Variants in ARK2C observed in about 807,000 individuals in gnomAD.
The protein encoded by ARK2C is E3 ubiquitin-protein ligase ARK2C.
At chr18:46,413,909 T>G in the ARK2C span, among the ~76,000 whole-genome samples, 1 of 152,242 alleles carries the variant, frequency 6.6e-6, no homozygotes, top group African/African-American at 2.4e-5. Flanking sequence ...AGGAATCATC[T>G]GCATGTTTAC....
At chr18:46,368,767 C>A in the ARK2C span, among the ~76,000 whole-genome samples, 4 of 152,330 alleles carry the variant, frequency 2.6e-5, no homozygotes, top group East Asian at 7.7e-4. Flanking sequence ...CCCAGCTCTG[C>A]CATTCACTTG....
chr18:46,389,002 G>A, the ARK2C span, among the ~76,000 whole-genome samples: 1,949 of 152,284 alleles, frequency 0.013, 15 homozygotes, highest in Middle Eastern at 0.027. Context: ...CTCGGTTCAC[G>A]AGGAATTCTA....
At chr18:46,341,222 T>A in the ARK2C span, among the ~76,000 whole-genome samples, 37 of 151,538 alleles carry the variant, frequency 2.4e-4, no homozygotes, top group South Asian at 7.7e-3. Context: ...TTGGACTGGC[T>A]TCTTTGGCCT....
chr18:46,406,608 C>T, the ARK2C span, among the ~76,000 whole-genome samples: 2 of 152,322 alleles, frequency 1.3e-5, 1 homozygote. Flanking sequence ...AGATGGGAGG[C>T]TGGGGCCCCA....
the ARK2C span, among the ~76,000 whole-genome samples, chr18:46,426,071 C>T: frequency 3.9e-5 from 6 of 152,156 alleles, no homozygotes; most frequent in African/African-American, 1.4e-4. Flanking sequence ...CCCAAAGGCC[C>T]TGCCTCCTAA....
At chr18:46,423,329 G>T in the ARK2C span, among the ~76,000 whole-genome samples, 2 of 152,174 alleles carry the variant, frequency 1.3e-5, no homozygotes, top group Non-Finnish European at 2.9e-5. Flanking sequence ...GAGCAGTTGT[G>T]CTCACCTCAG....
At chr18:46,448,485 G>T in the ARK2C span, among the ~76,000 whole-genome samples, 1 of 152,194 alleles carries the variant, frequency 6.6e-6, no homozygotes, top group Admixed American at 6.5e-5. Context: ...AGGGCTCAGG[G>T]CTAAGATCAG....
the ARK2C span, among the ~76,000 whole-genome samples, chr18:46,413,734 A>C: frequency 6.6e-6 from 1 of 152,082 alleles, no homozygotes; most frequent in Admixed American, 6.5e-5. Context: ...TTTACTCTTA[A>C]AAACTGCTCT....
the ARK2C span, among the ~76,000 whole-genome samples, chr18:46,423,745 A>G: frequency 6.6e-6 from 1 of 152,334 alleles, no homozygotes; most frequent in Non-Finnish European, 1.5e-5. Flanking sequence ...TGGCCTCCAG[A>G]TCTTCATCTG....
At chr18:46,386,962 C>T in the ARK2C span, 1 of 152,336 alleles carries the variant, frequency 6.6e-6, no homozygotes, top group African/African-American at 2.4e-5. Context: ...CACTGACATT[C>T]CTGGGCACTG....
the ARK2C span, among the ~76,000 whole-genome samples, chr18:46,358,185 G>A: frequency 7.2e-5 from 11 of 152,292 alleles, no homozygotes; most frequent in African/African-American, 2.6e-4. Flanking sequence ...AGTCATGCAG[G>A]CCTCATGAGC....
At chr18:46,353,196 T>C in the ARK2C span, among the ~76,000 whole-genome samples, 1 of 152,272 alleles carries the variant, frequency 6.6e-6, no homozygotes, top group Non-Finnish European at 1.5e-5. Flanking sequence ...AATGAGATGA[T>C]GTCTGTGAAG....
At chr18:46,402,931 A>G in the ARK2C span, among the ~76,000 whole-genome samples, 1 of 152,220 alleles carries the variant, frequency 6.6e-6, no homozygotes, top group African/African-American at 2.4e-5. Flanking sequence ...TGCTTCCTCT[A>G]GTCTCAACAC....
chr18:46,389,629 C>T, the ARK2C span, among the ~76,000 whole-genome samples: 1 of 152,222 alleles, frequency 6.6e-6, no homozygotes, highest in South Asian at 2.1e-4. Flanking sequence ...ACCCAGACTT[C>T]CAGACTTCAG....
At chr18:46,456,202 T>TATA in the ARK2C span, 21 of 691,142 alleles carry the variant, frequency 3.0e-5, no homozygotes, top group African/African-American at 3.5e-4. Flanking sequence ...CCAAGTGTGC[T>TATA]ATAATGTGCT....
At chr18:46,460,363 A>C in the ARK2C span, 4 of 152,512 alleles carry the variant, frequency 2.6e-5, no homozygotes, top group African/African-American at 9.7e-5. Flanking sequence ...AGCTGATAGA[A>C]AAACAAAAAT....
the ARK2C span, among the ~76,000 whole-genome samples, chr18:46,415,064 A>G: frequency 2.6e-5 from 4 of 152,288 alleles, no homozygotes; most frequent in African/African-American, 9.6e-5. Flanking sequence ...AGCAGAAGCC[A>G]AGTCAGCCTG....
chr18:46,372,305 C>T, the ARK2C span, among the ~76,000 whole-genome samples: 1 of 152,146 alleles, frequency 6.6e-6, no homozygotes, highest in South Asian at 2.1e-4. Context: ...ATCCAGCCAC[C>T]CACTTGCTGT....
At chr18:46,370,185 T>C in the ARK2C span, among the ~76,000 whole-genome samples, 1 of 152,214 alleles carries the variant, frequency 6.6e-6, no homozygotes, top group South Asian at 2.1e-4. Context: ...AATTAACATT[T>C]GTGAGGACCA....
Sources: allele counts gnomAD v4.1 joint callset (sites outside exome capture counted in the v4.1 genomes callset), GRCh38; gene constraint gnomAD v4.1.1; transcripts MANE v1.5; gene names NCBI Gene and HGNC (gene_info 2026-07-23, HGNC 2026-07-21).